Variants in SLC24A3 observed in about 807,000 individuals in gnomAD.
The protein encoded by SLC24A3 is solute carrier family 24 member 3.
A neutral mutation model predicts 75.8 loss-of-function variants in SLC24A3; 28 were observed. The ratio of observed to expected loss-of-function variants is 0.37; its 90% CI spans 0.27 to 0.51. The LOEUF is 0.51. Among genes scored for constraint, SLC24A3 ranks in the 20% least tolerant of loss-of-function variants. The pLI is 0.94. For synonymous variants in SLC24A3, 372 were observed against 334.1 expected (o/e 1.11, Z -1.24); for missense variants, 663 against 847.8 (o/e 0.78, Z 2.71).
rs535770312 is a variant in SLC24A3, at chr20:19,293,592, G to A, written c.271+12505G>A. The stretch of plus-strand genomic sequence containing the variant: ...AATCACTTGAACCCGGGAGATGGAG[G>A]TTGCAGTGAGCCGAGATGGCACCAC... On this transcript the variant is annotated intron_variant, in intron 2 of 16. Transcript: ENST00000328041. 2.0e-5 allele frequency among the ~76,000 whole-genome samples: 3 copies of A among 149,532 alleles called. No homozygotes were observed. The East Asian group carries it at 5.9e-4, about 29-fold the overall frequency.
intron 1 of SLC24A3, among the ~76,000 whole-genome samples, chr20:19,256,249 C>T (rs540899672): frequency 7.2e-5 from 11 of 152,234 alleles, no homozygotes; most frequent in African/African-American, 2.4e-4. Flanking sequence ...ACATACTGTA[C>T]AATTCCATTC....
At chr20:19,288,625 G>A (rs1282333802) in intron 2 of SLC24A3, among the ~76,000 whole-genome samples, 4 of 152,162 alleles carry the variant, frequency 2.6e-5, no homozygotes, top group Non-Finnish European at 5.9e-5. Context: ...AATACCTCAA[G>A]GTCAGGAAAA....
At chr20:19,352,902 A>T (rs1490171205) in intron 2 of SLC24A3, among the ~76,000 whole-genome samples, 2 of 152,220 alleles carry the variant, frequency 1.3e-5, no homozygotes, top group African/African-American at 4.8e-5. Flanking sequence ...ATTATAATGG[A>T]GCTGAGAAAA....
chr20:19,621,118 A>G (rs2031798633), intron 6 of SLC24A3, among the ~76,000 whole-genome samples: 1 of 152,232 alleles, frequency 6.6e-6, no homozygotes, highest in African/African-American at 2.4e-5. Context: ...AAGGAGGCAA[A>G]TAGCATAATT....
intron 2 of SLC24A3, among the ~76,000 whole-genome samples, chr20:19,321,396 C>G (rs1320394568): frequency 1.3e-5 from 2 of 152,174 alleles, no homozygotes; most frequent in African/African-American, 4.8e-5. Flanking sequence ...ATGGGCTGAG[C>G]ACTGCACTTA....
chr20:19,714,654 T>C (rs1600354590), intron 15 of SLC24A3, among the ~76,000 whole-genome samples: 1 of 152,128 alleles, frequency 6.6e-6, no homozygotes, highest in East Asian at 1.9e-4. Context: ...TGTGTAGTAG[T>C]TCATGACCAA....
At position 19,333,070 on chromosome 20, in the gene SLC24A3, C is replaced by T. The variant is rs1047781791; in HGVS notation, c.271+51983C>T. On this transcript the variant is annotated intron_variant, in intron 2 of 16. Coordinates refer to ENST00000328041, the MANE Select transcript of SLC24A3 (RefSeq NM_020689.4). ...ATCATCCTGCCAGAAACTGGGAGGGCCAGGGAAGTGTCCTTCAAAGCTGTG... is the reference window on the plus strand; with the variant it reads ...ATCATCCTGCCAGAAACTGGGAGGGTCAGGGAAGTGTCCTTCAAAGCTGTG... 3.9e-5 allele frequency among the ~76,000 whole-genome samples: 6 copies of T among 152,186 alleles called. No homozygotes were observed. The South Asian group carries it at 1.2e-3, about 32-fold the overall frequency.
intron 1 of SLC24A3, among the ~76,000 whole-genome samples, chr20:19,215,717 A>G (rs1368790280): frequency 2.0e-5 from 3 of 152,186 alleles, no homozygotes; most frequent in African/African-American, 7.2e-5. Context: ...ATTATATTAT[A>G]TGATGTTTCA....
At chr20:19,426,607 T>G (rs1397634991) in intron 2 of SLC24A3, among the ~76,000 whole-genome samples, 1 of 152,264 alleles carries the variant, frequency 6.6e-6, no homozygotes, top group East Asian at 1.9e-4. Flanking sequence ...GTTATTTTGA[T>G]GCATGGATGT....
intron 2 of SLC24A3, among the ~76,000 whole-genome samples, chr20:19,468,585 A>C (rs1420794639): frequency 6.6e-6 from 1 of 152,196 alleles, no homozygotes; most frequent in East Asian, 1.9e-4. Flanking sequence ...AGGAGAGAGA[A>C]GAAAGCATGA....
intron 3 of SLC24A3, among the ~76,000 whole-genome samples, chr20:19,524,761 A>C (rs2030167406): frequency 6.6e-6 from 1 of 152,202 alleles, no homozygotes; most frequent in Admixed American, 6.5e-5. Context: ...TGCATAACAT[A>C]GTTACATGTT....
intron 6 of SLC24A3, among the ~76,000 whole-genome samples, chr20:19,633,965 T>A (rs1023521518): frequency 3.9e-5 from 6 of 152,182 alleles, no homozygotes; most frequent in Non-Finnish European, 7.3e-5. Context: ...TAAAGGAAGT[T>A]GTCCAACACT....
rs943422152 is a variant in SLC24A3, at chr20:19,596,859, C to T, written c.612+11315C>T. 1.1e-4 allele frequency among the ~76,000 whole-genome samples: 17 copies of T among 152,304 alleles called. No homozygotes were observed. In the East Asian group the frequency reaches 1.7e-3, roughly 16 times the overall value. On this transcript the variant is annotated intron_variant, in intron 6 of 16. Transcript: ENST00000328041. ...CAGGTGAAATACACAGCATTTGCTACGGTGTGGATTGACCCATCTTATTCT... is the reference window on the plus strand; with the variant it reads ...CAGGTGAAATACACAGCATTTGCTATGGTGTGGATTGACCCATCTTATTCT...
At chr20:19,476,652 C>T (rs1248304300) in intron 2 of SLC24A3, among the ~76,000 whole-genome samples, 1 of 152,160 alleles carries the variant, frequency 6.6e-6, no homozygotes, top group Non-Finnish European at 1.5e-5. Context: ...AACTATACAA[C>T]ATATTGTCGG....
chr20:19,558,466 TAAAC>T (rs2030824451), intron 3 of SLC24A3, among the ~76,000 whole-genome samples: 1 of 152,174 alleles, frequency 6.6e-6, no homozygotes, highest in Non-Finnish European at 1.5e-5. Context: ...CAGACATTTT[TAAAC>T]TTCACCAGTT....
intron 16 of SLC24A3, among the ~76,000 whole-genome samples, chr20:19,720,554 C>A (rs948118170): frequency 3.9e-4 from 4 of 10,314 alleles, no homozygotes; most frequent in Non-Finnish European, 7.5e-4. Context: ...GGAGGAACTT[C>A]TCACCTCCAG....
chr20:19,430,583 G>A (rs988578692), intron 2 of SLC24A3, among the ~76,000 whole-genome samples: 1 of 152,094 alleles, frequency 6.6e-6, no homozygotes, highest in South Asian at 2.1e-4. Flanking sequence ...TGCTAATGGG[G>A]AAAATAGTGC....
intron 2 of SLC24A3, among the ~76,000 whole-genome samples, chr20:19,298,050 G>A (rs2122242448): frequency 6.6e-6 from 1 of 152,360 alleles, no homozygotes; most frequent in South Asian, 2.1e-4. Context: ...TGGGGGAATG[G>A]TCTGATTTGC....
Position 19,682,841 on chromosome 20 carries a change from G to A in SLC24A3, c.901+850G>A, listed in dbSNP as rs149464211. Among the ~76,000 whole-genome samples, 135 of 152,202 alleles carry A rather than the reference G, an allele frequency of 8.9e-4. No individual in the cohort carries two copies. The East Asian group carries it at 9.7e-3, about 11-fold the overall frequency. ...TTCAAAGTAATTCTTGTATTCAGTC[G>A]AGTCTTACAAAACAGCTGAGACACT... is the stretch of plus-strand genomic sequence containing the variant. On this transcript the variant is annotated intron_variant, in intron 10 of 16. Transcript: ENST00000328041.
Sources: allele counts gnomAD v4.1 joint callset (sites outside exome capture counted in the v4.1 genomes callset), GRCh38; gene constraint gnomAD v4.1.1; transcripts MANE v1.5; gene names NCBI Gene and HGNC (gene_info 2026-07-23, HGNC 2026-07-21).